Variants in TOX observed in about 807,000 individuals in gnomAD.
TOX encodes thymocyte selection associated high mobility group box, also known as thymocyte selection-associated high mobility group box protein TOX.
TOX carries 11 observed loss-of-function variants against 53.7 expected under a neutral mutation model. That is an observed-to-expected ratio of 0.20 (90% CI 0.13 to 0.34). The LOEUF (loss-of-function observed/expected upper bound fraction) is 0.34, where lower values mean the gene tolerates loss of function less well. TOX is among the 10% of genes least tolerant of loss of function. The pLI is 1.00. For synonymous variants in TOX, 225 were observed against 245.3 expected, an observed-to-expected ratio of 0.92 and a Z score of 0.77; for missense variants, 570 against 664.6, an observed-to-expected ratio of 0.86 and a Z score of 1.56.
chr8:59,024,468 C>A (rs979654399), intron 1 of TOX, among the ~76,000 whole-genome samples: 1 of 152,094 alleles, frequency 6.6e-6, no homozygotes, highest in Non-Finnish European at 1.5e-5. Flanking sequence ...TGGCCCCAGG[C>A]CTTTATGCTT....
intron 1 of TOX, among the ~76,000 whole-genome samples, chr8:59,076,789 A>G (rs1158775016): frequency 6.6e-6 from 1 of 152,160 alleles, no homozygotes; most frequent in Non-Finnish European, 1.5e-5. Flanking sequence ...TTAGTACCCA[A>G]CCTAACAGTC....
chr8:59,013,452 C>T (rs1479884504), intron 1 of TOX, among the ~76,000 whole-genome samples: 7 of 151,328 alleles, frequency 4.6e-5, no homozygotes, highest in Non-Finnish European at 8.8e-5. Flanking sequence ...CCTCTGTTGC[C>T]CAAGCTGGAG....
At chr8:58,987,151 T>C (rs1813346464) in intron 1 of TOX, among the ~76,000 whole-genome samples, 1 of 152,198 alleles carries the variant, frequency 6.6e-6, no homozygotes, top group African/African-American at 2.4e-5. Context: ...GGGTAGTTAT[T>C]TGACTCTAGA....
intron 5 of TOX, among the ~76,000 whole-genome samples, chr8:58,832,163 T>C (rs1810469800): frequency 8.7e-6 from 1 of 115,376 alleles, no homozygotes. Flanking sequence ...ATAATATATG[T>C]AATATATGTA....
At chr8:58,955,834 A>G (rs1478449399) in intron 2 of TOX, among the ~76,000 whole-genome samples, 1 of 150,740 alleles carries the variant, frequency 6.6e-6, no homozygotes, top group Non-Finnish European at 1.5e-5. Context: ...TCCTGGGTTC[A>G]AGCAATTCTC....
chr8:59,064,355 T>C (rs1338911981), intron 1 of TOX, among the ~76,000 whole-genome samples: 3 of 152,192 alleles, frequency 2.0e-5, no homozygotes, highest in African/African-American at 7.2e-5. Context: ...TCCAGCATAT[T>C]TTTAAAAAAT....
At chr8:59,007,314 A>C (rs1282844623) in intron 1 of TOX, among the ~76,000 whole-genome samples, 1 of 152,142 alleles carries the variant, frequency 6.6e-6, no homozygotes, top group Non-Finnish European at 1.5e-5. Flanking sequence ...TGGAAAAATT[A>C]ATTTAACTCT....
intron 3 of TOX, among the ~76,000 whole-genome samples, chr8:58,930,303 T>C (rs1812237221): frequency 1.3e-5 from 2 of 152,104 alleles, no homozygotes; most frequent in Non-Finnish European, 2.9e-5. Flanking sequence ...ATCAGAAAAA[T>C]AGTTATTAAG....
At chr8:58,857,902 T>A (rs1810942259) in intron 3 of TOX, among the ~76,000 whole-genome samples, 1 of 152,158 alleles carries the variant, frequency 6.6e-6, no homozygotes, top group Non-Finnish European at 1.5e-5. Context: ...CCTGAGTAGT[T>A]GGGATTACAG....
chr8:59,092,319 A>AT (rs11433613), intron 1 of TOX, among the ~76,000 whole-genome samples: 2,552 of 85,980 alleles, frequency 0.03, 94 homozygotes, highest in African/African-American at 0.074. Flanking sequence ...TTATATATAC[A>AT]TATATATATT....
chr8:58,915,738 A>T, intron 3 of TOX, among the ~76,000 whole-genome samples: 1 of 152,018 alleles, frequency 6.6e-6, no homozygotes, highest in Non-Finnish European at 1.5e-5. Context: ...AAGGCTTCAG[A>T]CGATCAAATT....
At chr8:59,105,472 A>T (rs539390447) in intron 1 of TOX, among the ~76,000 whole-genome samples, 155 of 152,304 alleles carry the variant, frequency 1.0e-3, no homozygotes, top group African/African-American at 3.3e-3. Flanking sequence ...CTGAATTTTT[A>T]AAATAAAATA....
chr8:58,848,386 A>G (rs1183669989), intron 4 of TOX, among the ~76,000 whole-genome samples: 3 of 152,122 alleles, frequency 2.0e-5, no homozygotes, highest in Non-Finnish European at 4.4e-5. Context: ...GCCTATTTTC[A>G]TATTTATAGT....
intron 3 of TOX, among the ~76,000 whole-genome samples, chr8:58,929,856 G>A (rs1812231635): frequency 6.6e-6 from 1 of 152,022 alleles, no homozygotes; most frequent in African/African-American, 2.4e-5. Context: ...GGAAGACTAG[G>A]CACAAATATA....
intron 1 of TOX, among the ~76,000 whole-genome samples, chr8:58,967,648 T>C (rs10113622): frequency 0.2 from 29,978 of 152,190 alleles, 3,171 homozygotes; most frequent in Non-Finnish European, 0.22. Context: ...TATTGTCCCA[T>C]GGAAGGACTG....
chr8:58,901,771 A>T (rs4738734), intron 3 of TOX, among the ~76,000 whole-genome samples: 83,886 of 151,986 alleles, frequency 0.55, 23,661 homozygotes, highest in African/African-American at 0.66. Flanking sequence ...GGTTCAAGCT[A>T]GATCAGGATG....
intron 1 of TOX, among the ~76,000 whole-genome samples, chr8:59,073,113 C>T (rs1485902000): frequency 6.6e-6 from 1 of 152,152 alleles, no homozygotes; most frequent in Non-Finnish European, 1.5e-5. Context: ...CAGGCATACT[C>T]TTTAATGGGT....
In TOX at chr8:58,961,499, C is replaced by T. The variant is rs139898504; in HGVS notation, c.103-1491G>A. On this transcript the variant is annotated intron_variant, in intron 1 of 8. Transcript: ENST00000361421. ...CATGAACCCGGAGTTAAGTGACTTA[C>T]CCCAGGTTGCTTTTCCATTGAACAG... 1.1e-3 allele frequency among the ~76,000 whole-genome samples: 167 copies of T among 152,030 alleles called. 2 individuals are homozygous for T. Among genetic ancestry groups the T allele is most frequent in the African/African-American group, 3.8e-3 (159 of 41,464 alleles).
intron 6 of TOX, among the ~76,000 whole-genome samples, chr8:58,822,441 C>G (rs1408807119): frequency 2.6e-5 from 4 of 152,218 alleles, no homozygotes; most frequent in African/African-American, 9.6e-5. Context: ...TTTGCAGCAT[C>G]CTATGTCCTA....
Sources: allele counts gnomAD v4.1 joint callset (sites outside exome capture counted in the v4.1 genomes callset), GRCh38; gene constraint gnomAD v4.1.1; transcripts MANE v1.5; gene names NCBI Gene and HGNC (gene_info 2026-07-23, HGNC 2026-07-21).